TRIM44: variants seen among roughly 807,000 people sequenced by gnomAD.
TRIM44 encodes tripartite motif-containing protein 44.
A neutral mutation model predicts 37.4 loss-of-function variants in TRIM44; 13 were observed. That is an observed-to-expected ratio of 0.35 (90% CI 0.23 to 0.55). TRIM44 has a LOEUF of 0.55. Among genes scored for constraint, TRIM44 ranks in the 20% least tolerant of loss-of-function variants. The pLI is 0.89. For missense variants in TRIM44, 426 were observed against 437.2 expected (o/e 0.97, Z 0.23); for synonymous variants, 175 against 157.2 (o/e 1.11, Z -0.85).
At chr11:35,791,519 C>G (rs1303480591) in intron 4 of TRIM44, among the ~76,000 whole-genome samples, 1 of 152,098 alleles carries the variant, frequency 6.6e-6, no homozygotes, top group Non-Finnish European at 1.5e-5. Flanking sequence ...CAAGCATGAC[C>G]CATAAAGATA....
chr11:35,705,594 C>G (rs1445987436), intron 2 of TRIM44, among the ~76,000 whole-genome samples: 2 of 151,478 alleles, frequency 1.3e-5, no homozygotes, highest in Non-Finnish European at 3.0e-5. Flanking sequence ...AACTAGAACT[C>G]AGGATTAAGA....
At chr11:35,706,386 G>T (rs1330325309) in intron 2 of TRIM44, among the ~76,000 whole-genome samples, 1 of 152,160 alleles carries the variant, frequency 6.6e-6, no homozygotes, top group Non-Finnish European at 1.5e-5. Context: ...AATAGAAAAA[G>T]AGGGAATCCT....
At chr11:35,792,102 CA>C (rs1853221958) in intron 4 of TRIM44, among the ~76,000 whole-genome samples, 1 of 120,018 alleles carries the variant, frequency 8.3e-6, no homozygotes, top group African/African-American at 2.7e-5. Context: ...CACACACACA[CA>C]CACACACACT....
intron 4 of TRIM44, among the ~76,000 whole-genome samples, chr11:35,767,146 A>ATG (rs1852808418): frequency 6.6e-6 from 1 of 152,098 alleles, no homozygotes; most frequent in Non-Finnish European, 1.5e-5. Context: ...TCCTACATCA[A>ATG]TGTGTGTGTG....
At position 35,695,485 on chromosome 11, in the gene TRIM44, C is replaced by T. The variant is rs550137133; in HGVS notation, c.747+10149C>T. Among the ~76,000 whole-genome samples the T allele has an allele frequency of 1.9e-3, 282 of 152,116 alleles. 2 individuals carry two copies. The highest frequency in any genetic ancestry group is 6.5e-3 in the African/African-American group (271 of 41,528). ...TGCTTGGGTTAGCAGTTTTATAAAC[C>T]AGTCCGTCTTTTCATTGAAGTTCCA... is the stretch of plus-strand genomic sequence containing the variant. On this transcript the variant is annotated intron_variant, in intron 2 of 4. Coordinates refer to ENST00000299413, the MANE Select transcript of TRIM44 (RefSeq NM_017583.6).
chr11:35,798,493 A>ACTAT (rs1853322599), intron 4 of TRIM44, among the ~76,000 whole-genome samples: 1 of 152,170 alleles, frequency 6.6e-6, no homozygotes, highest in African/African-American at 2.4e-5. Flanking sequence ...AATCCTCTGT[A>ACTAT]CTATCTTTGC....
chr11:35,737,751 G>C (rs1186946864), intron 4 of TRIM44, among the ~76,000 whole-genome samples: 3 of 151,942 alleles, frequency 2.0e-5, no homozygotes, highest in Non-Finnish European at 4.4e-5. Flanking sequence ...CAGGAGAATT[G>C]CCTGAACCTG....
At chr11:35,803,601 A>T (rs1473487293) in intron 4 of TRIM44, among the ~76,000 whole-genome samples, 1 of 152,086 alleles carries the variant, frequency 6.6e-6, no homozygotes, top group Non-Finnish European at 1.5e-5. Context: ...TGCACCTGTA[A>T]TCCCAGCTAC....
In TRIM44 at chr11:35,816,524, A is replaced by T. The variant is rs1225937088; in HGVS notation, c.*10139A>T. ...GTAATTGGGGAACAGAAGGGTCTCT[A>T]GAGGGTAGACCTAAGAGTAATGGAA... On this transcript the variant is annotated 3_prime_UTR_variant, in exon 5 of 5. Coordinates refer to ENST00000299413, the MANE Select transcript of TRIM44 (RefSeq NM_017583.6). The T allele has an allele frequency of 6.6e-6, 1 of 152,240 alleles. No individual in the cohort carries two copies. The highest frequency in any genetic ancestry group is 2.4e-5 in the African/African-American group (1 of 41,464). The allele number at this position is 152,240 out of a possible 1,614,324, so 9.4% of individuals were successfully genotyped here. A position where few individuals can be genotyped will look rare whatever the true frequency, so the allele number is the denominator to read the frequency against.
intron 2 of TRIM44, among the ~76,000 whole-genome samples, chr11:35,690,720 G>A (rs1414465460): frequency 1.3e-5 from 2 of 152,116 alleles, no homozygotes; most frequent in African/African-American, 2.4e-5. Flanking sequence ...TTTTATCCCT[G>A]TATCTTCAGC....
At chr11:35,787,570 A>G (rs1006046689) in intron 4 of TRIM44, among the ~76,000 whole-genome samples, 3 of 152,164 alleles carry the variant, frequency 2.0e-5, no homozygotes, top group African/African-American at 4.8e-5. Flanking sequence ...AATGGAAGAA[A>G]AATACAAATT....
intron 4 of TRIM44, among the ~76,000 whole-genome samples, chr11:35,783,326 A>T (rs1436882121): frequency 6.6e-6 from 1 of 152,140 alleles, no homozygotes; most frequent in East Asian, 1.9e-4. Context: ...CTCCCTGTAG[A>T]TCCAGCGAAT....
At chr11:35,715,650 G>T (rs964924164) in intron 2 of TRIM44, among the ~76,000 whole-genome samples, 1 of 151,988 alleles carries the variant, frequency 6.6e-6, no homozygotes, top group East Asian at 1.9e-4. Context: ...CTGAGATAGG[G>T]GGTGTATTAG....
intron 2 of TRIM44, among the ~76,000 whole-genome samples, chr11:35,709,585 A>C (rs903629901): frequency 6.6e-6 from 1 of 152,188 alleles, no homozygotes; most frequent in African/African-American, 2.4e-5. Flanking sequence ...GACCCAGCCC[A>C]GTTTCCGTCA....
intron 4 of TRIM44, among the ~76,000 whole-genome samples, chr11:35,766,168 G>A (rs1234666163): frequency 6.6e-6 from 1 of 151,982 alleles, no homozygotes; most frequent in African/African-American, 2.4e-5. Flanking sequence ...AGCTTGCACT[G>A]GCATCACTTT....
At position 35,817,015 on chromosome 11, in the gene TRIM44, C is replaced by G. The variant is rs564735173; in HGVS notation, c.*10630C>G. The G allele has an allele frequency of 6.6e-6, 1 of 152,278 alleles. No homozygotes were observed. The highest frequency in any genetic ancestry group is 1.9e-4 in the East Asian group (1 of 5,178). The allele number at this position is 152,278 out of a possible 1,614,324, so 9.4% of individuals were successfully genotyped here. A position where few individuals can be genotyped will look rare whatever the true frequency, so the allele number is the denominator to read the frequency against. On this transcript the variant is annotated 3_prime_UTR_variant, in exon 5 of 5. Transcript: ENST00000299413. Reference sequence around the variant, plus strand: ...TACCTCAAATTACCGTATGTATTTACTTGTTCATAAGGTTGATGTCTGTAA... The same window carrying G: ...TACCTCAAATTACCGTATGTATTTAGTTGTTCATAAGGTTGATGTCTGTAA...
At chr11:35,754,857 G>T (rs887329343) in intron 4 of TRIM44, among the ~76,000 whole-genome samples, 6 of 151,536 alleles carry the variant, frequency 4.0e-5, no homozygotes, top group Non-Finnish European at 7.4e-5. Flanking sequence ...TGGCTGCATA[G>T]TATTCCATGG....
At chr11:35,725,830 G>C in intron 2 of TRIM44, 94 bp from the exon 3 acceptor site, 2 of 1,346,012 alleles carry the variant, frequency 1.5e-6, no homozygotes, top group Non-Finnish European at 2.1e-6. Flanking sequence ...AGGATCCATG[G>C]TGTGTATTTT....
At chr11:35,786,677 C>T (rs1853134495) in intron 4 of TRIM44, among the ~76,000 whole-genome samples, 1 of 152,102 alleles carries the variant, frequency 6.6e-6, no homozygotes, top group Admixed American at 6.5e-5. Context: ...GCCTTCTTCA[C>T]AGAGATGCAG....
Sources: allele counts gnomAD v4.1 joint callset (sites outside exome capture counted in the v4.1 genomes callset), GRCh38; gene constraint gnomAD v4.1.1; transcripts MANE v1.5; gene names NCBI Gene and HGNC (gene_info 2026-07-23, HGNC 2026-07-21).